GABRG3: variants seen among roughly 807,000 people sequenced by gnomAD.
The protein encoded by GABRG3 is gamma-aminobutyric acid receptor subunit gamma-3.
A neutral mutation model predicts 48.8 loss-of-function variants in GABRG3; 25 were observed. The ratio of observed to expected loss-of-function variants is 0.51; its 90% confidence interval spans 0.37 to 0.72. The LOEUF (loss-of-function observed/expected upper bound fraction) is 0.72, where lower values mean the gene tolerates loss of function less well. Ranked by LOEUF, GABRG3 falls within the 30% of genes least tolerant of loss-of-function variation. The pLI is 0.00. For missense variants in GABRG3, 394 were observed against 577.9 expected (o/e 0.68, Z 3.26); for synonymous variants, 227 against 217.6 (o/e 1.04, Z -0.38).
At chr15:27,162,516 T>A (rs572243924) in intron 3 of GABRG3, among the ~76,000 whole-genome samples, 1 of 152,276 alleles carries the variant, frequency 6.6e-6, no homozygotes, top group South Asian at 2.1e-4. Context: ...TGGCACTTTT[T>A]TGACTTGGTA....
intron 2 of GABRG3, among the ~76,000 whole-genome samples, chr15:27,024,746 G>C (rs1895954405): frequency 6.6e-6 from 1 of 152,132 alleles, no homozygotes; most frequent in African/African-American, 2.4e-5. Context: ...GCATCTACTG[G>C]CCGGGCACAG....
intron 5 of GABRG3, among the ~76,000 whole-genome samples, chr15:27,384,548 G>C (rs780425716): frequency 6.6e-6 from 1 of 152,130 alleles, no homozygotes; most frequent in Admixed American, 6.5e-5. Flanking sequence ...TTTAATTGAC[G>C]GAAGAGTTTA....
At chr15:27,327,123 A>C (rs1595679637) in intron 4 of GABRG3, 94 bp downstream of exon 4, 4 of 1,108,718 alleles carry the variant, frequency 3.6e-6, no homozygotes, top group Non-Finnish European at 4.0e-6. Context: ...TTCATCTCTA[A>C]GTCTATTCTC....
At chr15:27,046,710 GT>G (rs1896371574) in intron 3 of GABRG3, among the ~76,000 whole-genome samples, 1 of 152,216 alleles carries the variant, frequency 6.6e-6, no homozygotes, top group South Asian at 2.1e-4. Context: ...TTTTGGATAT[GT>G]GAGGTATCTT....
chr15:27,273,579 C>T (rs1891158250), intron 3 of GABRG3, among the ~76,000 whole-genome samples: 1 of 152,202 alleles, frequency 6.6e-6, no homozygotes. Flanking sequence ...GAGCTATTCT[C>T]AGTCCACTGG....
intron 3 of GABRG3, among the ~76,000 whole-genome samples, chr15:27,043,330 C>T (rs1049713605): frequency 3.3e-5 from 5 of 152,130 alleles, no homozygotes; most frequent in Admixed American, 6.5e-5. Flanking sequence ...TATAGGAGAC[C>T]GTGGGTTTAG....
At chr15:27,141,596 G>A (rs985698317) in intron 3 of GABRG3, among the ~76,000 whole-genome samples, 2 of 152,224 alleles carry the variant, frequency 1.3e-5, no homozygotes, top group Non-Finnish European at 2.9e-5. Context: ...AGCTACTCAT[G>A]TAGGACAAAT....
intron 3 of GABRG3, among the ~76,000 whole-genome samples, chr15:27,278,224 G>C (rs952202232): frequency 1.3e-5 from 2 of 151,998 alleles, no homozygotes; most frequent in African/African-American, 4.8e-5. Context: ...GCTAATTTTT[G>C]TATTTTTAGT....
intron 3 of GABRG3, among the ~76,000 whole-genome samples, chr15:27,321,635 T>C (rs1286401849): frequency 1.3e-5 from 2 of 152,242 alleles, no homozygotes; most frequent in Non-Finnish European, 2.9e-5. Context: ...CTTCTTTTCC[T>C]GATTTGTTTA....
intron 5 of GABRG3, among the ~76,000 whole-genome samples, chr15:27,436,201 G>A (rs1419765926): frequency 6.6e-6 from 1 of 152,178 alleles, no homozygotes; most frequent in Non-Finnish European, 1.5e-5. Flanking sequence ...CGTCTGGTGA[G>A]GGCCCACTTC....
chr15:27,307,982 AAAAT>A (rs1328004359), intron 3 of GABRG3, among the ~76,000 whole-genome samples: 1 of 138,598 alleles, frequency 7.2e-6, no homozygotes, highest in East Asian at 2.2e-4. Context: ...AAACATATAT[AAAAT>A]AAACATATAC....
chr15:27,131,835 A>G (rs1014439069), intron 3 of GABRG3, among the ~76,000 whole-genome samples: 1 of 151,930 alleles, frequency 6.6e-6, no homozygotes, highest in Non-Finnish European at 1.5e-5. Context: ...AATTGGGGTA[A>G]GGTGATGTCT....
intron 6 of GABRG3, among the ~76,000 whole-genome samples, chr15:27,503,344 C>G (rs552590502): frequency 6.6e-6 from 1 of 152,264 alleles, no homozygotes; most frequent in Non-Finnish European, 1.5e-5. Context: ...AGTCAAGATA[C>G]AAAACATTTC....
intron 3 of GABRG3, among the ~76,000 whole-genome samples, chr15:27,201,020 A>T (rs1178986598): frequency 6.6e-6 from 1 of 152,128 alleles, no homozygotes; most frequent in African/African-American, 2.4e-5. Flanking sequence ...CTGCCTCTGG[A>T]ATAGTCTCCA....
intron 7 of GABRG3, among the ~76,000 whole-genome samples, chr15:27,520,641 A>ATTTTTTTTTTTTTTTTTTTTTTTTT (rs1595808203): frequency 7.1e-6 from 1 of 140,942 alleles, no homozygotes; most frequent in Non-Finnish European, 1.5e-5. Flanking sequence ...GGTTCCCAAA[A>ATTTTTTTTTTTTTTTTTTTTTTTTT]TCTTCTTAAT....
intron 3 of GABRG3, among the ~76,000 whole-genome samples, chr15:27,138,556 A>G (rs1898049153): frequency 6.6e-6 from 1 of 152,142 alleles, no homozygotes; most frequent in Non-Finnish European, 1.5e-5. Context: ...CATGCGGATT[A>G]TCCTTCCCTC....
chr15:27,201,256 GAGTT>G (rs1209388535), intron 3 of GABRG3, among the ~76,000 whole-genome samples: 1 of 151,790 alleles, frequency 6.6e-6, no homozygotes, highest in Non-Finnish European at 1.5e-5. Flanking sequence ...GTCAGGGAGA[GAGTT>G]AGACAAGCAG....
chr15:27,003,764 T>G (rs1217284175), intron 2 of GABRG3, among the ~76,000 whole-genome samples: 1,590 of 151,218 alleles, frequency 0.011, 31 homozygotes, highest in African/African-American at 0.036. Flanking sequence ...GGTGGTGGCC[T>G]GGCAGAGGGG....
At chr15:27,168,142 A>T (rs1271166033) in intron 3 of GABRG3, among the ~76,000 whole-genome samples, 3 of 152,090 alleles carry the variant, frequency 2.0e-5, no homozygotes, top group African/African-American at 7.2e-5. Context: ...CAGTTAAAAA[A>T]AAAAAAAGGG....
Sources: allele counts gnomAD v4.1 joint callset (sites outside exome capture counted in the v4.1 genomes callset), GRCh38; gene constraint gnomAD v4.1.1; transcripts MANE v1.5; gene names NCBI Gene and HGNC (gene_info 2026-07-23, HGNC 2026-07-21).